NPAS3: variants seen among roughly 807,000 people sequenced by gnomAD.
NPAS3 encodes neuronal PAS domain-containing protein 3.
Under a neutral mutation model 73.1 loss-of-function variants are expected in NPAS3, and 14 were observed. That is an observed-to-expected ratio of 0.19 (90% confidence interval 0.13 to 0.30). The LOEUF (loss-of-function observed/expected upper bound fraction) is 0.30. Ranked by LOEUF, NPAS3 falls within the 10% of genes least tolerant of loss-of-function variation. The pLI is 1.00. For missense variants in NPAS3, 1,096 were observed against 1,250.0 expected (o/e 0.88, Z 1.86); for synonymous variants, 620 against 541.5 (o/e 1.14, Z -2.01).
intron 6 of NPAS3, among the ~76,000 whole-genome samples, chr14:33,731,423 GA>G (rs11322471): frequency 0.48 from 58,186 of 121,250 alleles, 14,379 homozygotes; most frequent in Non-Finnish European, 0.6. Flanking sequence ...TGTCTCATTT[GA>G]AAAAAAAAAA....
At chr14:32,944,303 A>G (rs1005488748) in intron 1 of NPAS3, among the ~76,000 whole-genome samples, 1 of 152,196 alleles carries the variant, frequency 6.6e-6, no homozygotes, top group Non-Finnish European at 1.5e-5. Flanking sequence ...TATTTGGGCT[A>G]CAGTCTAACT....
chr14:33,231,965 A>G (rs548583649), intron 3 of NPAS3, among the ~76,000 whole-genome samples: 3 of 152,350 alleles, frequency 2.0e-5, no homozygotes, highest in Non-Finnish European at 4.4e-5. Context: ...ATAAATGCTT[A>G]TCTATTACAA....
chr14:33,201,468 C>T lies in NPAS3; in HGVS notation c.141-13714C>T, dbSNP rs545629038. Among the ~76,000 whole-genome samples the T allele has an allele frequency of 4.6e-5, 7 of 152,296 alleles. No individual in the cohort carries two copies. The South Asian group carries it at 1.5e-3, about 32-fold the overall frequency. On this transcript the variant is annotated intron_variant, in intron 2 of 11. Coordinates refer to ENST00000356141, the Ensembl canonical transcript of NPAS3. ...GAAGTGAAGCTAAAGACTTAGTGAT[C>T]TTTTGTTGCCTGATAACTCAAAAGG...
intron 4 of NPAS3, among the ~76,000 whole-genome samples, chr14:33,388,140 T>G (rs2046848832): frequency 1.3e-5 from 2 of 152,126 alleles, no homozygotes. Context: ...CACAGGGCTT[T>G]GCAAGGGTAT....
chr14:33,641,831 C>T (rs548116935), intron 5 of NPAS3, among the ~76,000 whole-genome samples: 5 of 151,924 alleles, frequency 3.3e-5, no homozygotes, highest in South Asian at 4.2e-4. Flanking sequence ...ACAGCGGCAT[C>T]GTGTCTTTAT....
intron 4 of NPAS3, among the ~76,000 whole-genome samples, chr14:33,376,350 A>T (rs1279806620): frequency 6.6e-6 from 1 of 152,190 alleles, no homozygotes; most frequent in Non-Finnish European, 1.5e-5. Flanking sequence ...TGATGGGCAC[A>T]TTAGGGCTAT....
chr14:33,255,480 T>G (rs2048744675), intron 3 of NPAS3, among the ~76,000 whole-genome samples: 1 of 152,190 alleles, frequency 6.6e-6, no homozygotes, highest in Non-Finnish European at 1.5e-5. Context: ...TTATAAATCC[T>G]GGACTATTTG....
At chr14:33,661,379 G>A (rs2059303657) in intron 5 of NPAS3, among the ~76,000 whole-genome samples, 1 of 152,158 alleles carries the variant, frequency 6.6e-6, no homozygotes, top group Non-Finnish European at 1.5e-5. Context: ...TAAGCATGTT[G>A]CTAAGGGCTC....
At chr14:33,329,226 C>T (rs890835389) in intron 3 of NPAS3, among the ~76,000 whole-genome samples, 1 of 152,152 alleles carries the variant, frequency 6.6e-6, no homozygotes, top group Non-Finnish European at 1.5e-5. Flanking sequence ...TGCCCCCAGC[C>T]CCACCCCACC....
At chr14:32,947,068 T>C (rs1035126409) in intron 1 of NPAS3, among the ~76,000 whole-genome samples, 1 of 152,178 alleles carries the variant, frequency 6.6e-6, no homozygotes, top group African/African-American at 2.4e-5. Flanking sequence ...TATAAACTTA[T>C]AGGTCATTTC....
chr14:33,794,155 TG>T, intron 10 of NPAS3, 111 bp downstream of exon 10: 8 of 929,464 alleles, frequency 8.6e-6, no homozygotes, highest in Non-Finnish European at 1.3e-5. Context: ...TGACAGTACC[TG>T]GTGTGGAATT....
intron 3 of NPAS3, among the ~76,000 whole-genome samples, chr14:33,355,309 T>A (rs867393154): frequency 2.6e-5 from 4 of 152,152 alleles, no homozygotes; most frequent in African/African-American, 9.7e-5. Context: ...AAACCGTTGC[T>A]CTTTTTTTTG....
chr14:33,571,276 C>T (rs539630529), intron 5 of NPAS3, among the ~76,000 whole-genome samples: 8 of 152,224 alleles, frequency 5.3e-5, no homozygotes, highest in South Asian at 4.2e-4. Flanking sequence ...AAGTGTGAAA[C>T]GAAAGGGCAA....
intron 2 of NPAS3, among the ~76,000 whole-genome samples, chr14:33,065,926 C>A (rs2041262143): frequency 6.6e-6 from 1 of 152,082 alleles, no homozygotes; most frequent in Non-Finnish European, 1.5e-5. Flanking sequence ...TCTTTGCTTC[C>A]TCTCTTCAAC....
chr14:33,108,122 G>T (rs2042777824), intron 2 of NPAS3, among the ~76,000 whole-genome samples: 1 of 150,712 alleles, frequency 6.6e-6, no homozygotes, highest in African/African-American at 2.4e-5. Context: ...TGTTCTATGT[G>T]CAAAAAAGCA....
At chr14:33,796,758 C>A (rs1374146808) in intron 10 of NPAS3, among the ~76,000 whole-genome samples, 1 of 152,096 alleles carries the variant, frequency 6.6e-6, no homozygotes, top group East Asian at 1.9e-4. Context: ...AAAAATAGAA[C>A]AAAAATTAAG....
intron 4 of NPAS3, among the ~76,000 whole-genome samples, chr14:33,471,764 C>T (rs2050792130): frequency 6.6e-6 from 1 of 152,186 alleles, no homozygotes; most frequent in African/African-American, 2.4e-5. Context: ...GAGTCCCCAA[C>T]CCCCGGTACT....
intron 2 of NPAS3, among the ~76,000 whole-genome samples, chr14:33,133,298 C>T (rs1297478295): frequency 6.6e-6 from 1 of 152,110 alleles, no homozygotes; most frequent in East Asian, 1.9e-4. Flanking sequence ...TATCTTAAGG[C>T]ACATCTGACA....
chr14:33,711,614 T>C (rs1011107230), intron 6 of NPAS3, among the ~76,000 whole-genome samples: 3 of 152,184 alleles, frequency 2.0e-5, no homozygotes, highest in Admixed American at 6.5e-5. Context: ...TTTACTATAA[T>C]GACAGGACCT....
Sources: gnomAD v4.1 joint callset for allele counts (sites outside exome capture counted in the v4.1 genomes callset) on GRCh38, gnomAD v4.1.1 for gene constraint, MANE v1.5 for transcripts, NCBI Gene and HGNC (gene_info 2026-07-23, HGNC 2026-07-21) for gene names.